The following CNTNAP3 variants were observed in gnomAD, a reference collection of about 807,000 sequenced individuals.
CNTNAP3 encodes the protein contactin associated protein family member 3.
In CNTNAP3, 36 loss-of-function variants were observed where a neutral mutation model predicts 92.1. The observed-to-expected ratio is 0.39, with a 90% confidence interval of 0.30 to 0.52. CNTNAP3 has a LOEUF of 0.52. Among genes scored for constraint, CNTNAP3 ranks in the 20% least tolerant of loss-of-function variants. CNTNAP3 has a pLI of 0.76. For missense variants in CNTNAP3, 534 were observed against 1,069.6 expected (o/e 0.50, Z 6.98); for synonymous variants, 232 against 422.3 (o/e 0.55, Z 5.53).
chr9:39,085,668 G>C lies in CNTNAP3; in HGVS notation c.3442+68C>G. On this transcript the variant is annotated intron_variant, in intron 21 of 23. Transcript: ENST00000297668. ...CAAGTAAGACAAGGAGCTTCTTTCA[G>C]CATGATGAATGCTTCCAGAGTTTGT... 2.4e-6 allele frequency: 3 copies of C among 1,238,916 alleles called. No homozygotes were observed. The East Asian group carries it at 8.2e-5, about 34-fold the overall frequency. 76.7% of individuals were successfully genotyped at this position (1,238,916 alleles called of 1,614,324 possible).
intron 19 of CNTNAP3, among the ~76,000 whole-genome samples, chr9:39,087,069 A>G (rs1413725148): frequency 6.6e-6 from 1 of 152,122 alleles, no homozygotes; most frequent in Non-Finnish European, 1.5e-5. Flanking sequence ...TGAAAAGTCA[A>G]GACTAAATGT....
intron 13 of CNTNAP3, among the ~76,000 whole-genome samples, chr9:39,126,975 A>T (rs1821167055): frequency 1.3e-5 from 2 of 152,204 alleles, no homozygotes; most frequent in Non-Finnish European, 2.9e-5. Context: ...TCAAATGCCG[A>T]TGAAACATTT....
chr9:39,134,922 C>T (rs183657621), intron 12 of CNTNAP3, among the ~76,000 whole-genome samples: 27 of 152,294 alleles, frequency 1.8e-4, no homozygotes, highest in African/African-American at 6.3e-4. Flanking sequence ...AATGATGGTC[C>T]AGAGTAGTTC....
At position 39,067,402 on chromosome 9, in the gene CNTNAP3, T is replaced by A. The variant is rs1587688750; in HGVS notation, c.*6488A>T. Reference sequence around the variant, plus strand: ...GACATTGTGATTTTACCTCGTTGGGTGTTGGATTTTTTTTTGATGGAGTCT... The same window carrying A: ...GACATTGTGATTTTACCTCGTTGGGAGTTGGATTTTTTTTTGATGGAGTCT... On this transcript the variant is annotated 3_prime_UTR_variant, in exon 24 of 24. Coordinates refer to ENST00000297668, the MANE Select transcript of CNTNAP3 (RefSeq NM_033655.5). Among the ~76,000 whole-genome samples the A allele has an allele frequency of 6.6e-6, 1 of 152,308 alleles. No individual in the cohort carries two copies. The highest frequency in any genetic ancestry group is 2.4e-5 in the African/African-American group (1 of 41,488).
At chr9:39,074,204 T>C (rs1047405444) in intron 23 of CNTNAP3, among the ~76,000 whole-genome samples, 193 bp from the exon 24 acceptor site, 5 of 151,852 alleles carry the variant, frequency 3.3e-5, no homozygotes, top group Non-Finnish European at 7.4e-5. Flanking sequence ...TTTACAATTA[T>C]TCTTTGTAGA....
intron 7 of CNTNAP3, chr9:39,174,305 T>C (rs972212695): frequency 5.7e-6 from 2 of 351,974 alleles, no homozygotes; most frequent in Admixed American, 9.3e-5. Context: ...TTCATGTATC[T>C]TGATGGTATT....
chr9:39,132,911 G>C (rs1465934867), intron 13 of CNTNAP3, 21 bp downstream of exon 13: 4 of 1,535,524 alleles, frequency 2.6e-6, no homozygotes, highest in African/African-American at 1.4e-5. Context: ...AACCCCTGTA[G>C]CCTCCAGGAG....
At chr9:39,082,481 C>T (rs1219644504) in intron 21 of CNTNAP3, among the ~76,000 whole-genome samples, 1 of 151,906 alleles carries the variant, frequency 6.6e-6, no homozygotes, top group East Asian at 1.9e-4. Context: ...CCCACAAAAT[C>T]TCCTATCTTC....
rs777684782 is a variant in CNTNAP3 at position 39,109,120 on chromosome 9, A to T, written c.2365+40T>A. On this transcript the variant is annotated intron_variant, in intron 15 of 23. Transcript: ENST00000297668. ...TGTCTACTCTTTTATAACCAAAAAA[A>T]GTTATTATGAAAATAAAGCTTTTTC... The T allele has an allele frequency of 3.1e-5, 50 of 1,592,280 alleles. No individual in the cohort carries two copies. The East Asian group carries it at 9.4e-4, about 30-fold the overall frequency.
At chr9:39,092,723 G>A (rs1277197280) in intron 18 of CNTNAP3, among the ~76,000 whole-genome samples, 1 of 136,384 alleles carries the variant, frequency 7.3e-6, no homozygotes, top group Non-Finnish European at 1.6e-5. Context: ...CTACAGATGT[G>A]TGTTAGAATG....
intron 13 of CNTNAP3, among the ~76,000 whole-genome samples, chr9:39,118,941 C>CTAGTGTCTG: frequency 6.6e-6 from 1 of 152,252 alleles, no homozygotes; most frequent in East Asian, 1.9e-4. Context: ...TAGAGTCAGA[C>CTAGTGTCTG]ACTAACTCAG....
chr9:39,105,285 G>A (rs1196201203), intron 15 of CNTNAP3, among the ~76,000 whole-genome samples: 2 of 152,094 alleles, frequency 1.3e-5, no homozygotes, highest in African/African-American at 4.8e-5. Flanking sequence ...AAATTAGCCA[G>A]GCATGGTGGT....
intron 12 of CNTNAP3, among the ~76,000 whole-genome samples, chr9:39,137,744 G>T (rs1821477923): frequency 6.6e-6 from 1 of 152,092 alleles, no homozygotes; most frequent in Non-Finnish European, 1.5e-5. Context: ...TCGATCTCCT[G>T]ACCTCGTGAT....
At chr9:39,112,772 C>A (rs1247357509) in intron 14 of CNTNAP3, among the ~76,000 whole-genome samples, 1 of 152,124 alleles carries the variant, frequency 6.6e-6, no homozygotes, top group Non-Finnish European at 1.5e-5. Context: ...TGTTTAATTG[C>A]CTATCTTCTG....
chr9:39,112,028 G>A (rs1826759405), intron 14 of CNTNAP3, among the ~76,000 whole-genome samples: 1 of 139,466 alleles, frequency 7.2e-6, no homozygotes, highest in African/African-American at 3.1e-5. Flanking sequence ...AATTAATAGG[G>A]ACATCTCATT....
intron 17 of CNTNAP3, among the ~76,000 whole-genome samples, chr9:39,100,729 G>A (rs1181886624): frequency 2.6e-5 from 4 of 152,104 alleles, no homozygotes; most frequent in African/African-American, 4.8e-5. Flanking sequence ...AGGGTACAGT[G>A]CTAAACAGTA....
rs201640644 is a variant in CNTNAP3 at position 39,149,928 on chromosome 9, C to G, written c.1527G>C (p.Gly509=). 1 of 1,558,310 alleles carries G rather than the reference C, an allele frequency of 6.4e-7. No homozygotes were observed. Among genetic ancestry groups the G allele is most frequent in the Non-Finnish European group, 8.8e-7 (1 of 1,132,242 alleles). The stretch of plus-strand genomic sequence containing the variant: ...TGATGAGCCTTAGGCAGCCCTGAAA[C>G]CCTCCCAGGGGGCTTTTACATCCAG... The part of the protein sequence containing the change: ...SGSGCKSPLG[G]FQGCLRLITI... Residue 509 remains glycine, a synonymous_variant, in exon 10 of 24, where the codon GGG becomes GGC. Transcript: ENST00000297668.
At chr9:39,137,857 T>A (rs1821480815) in intron 12 of CNTNAP3, among the ~76,000 whole-genome samples, 1 of 151,876 alleles carries the variant, frequency 6.6e-6, no homozygotes, top group African/African-American at 2.4e-5. Flanking sequence ...TGCCTTGAAA[T>A]TTTTTCTTTT....
At chr9:39,104,360 A>G (rs906046293) in intron 15 of CNTNAP3, among the ~76,000 whole-genome samples, 1 of 152,120 alleles carries the variant, frequency 6.6e-6, no homozygotes, top group South Asian at 2.1e-4. Flanking sequence ...TCAGTTTGGG[A>G]CATGTTTCAT....
Sources: gnomAD v4.1 joint callset for allele counts (sites outside exome capture counted in the v4.1 genomes callset) on GRCh38, gnomAD v4.1.1 for gene constraint, MANE v1.5 for transcripts, NCBI Gene and HGNC (gene_info 2026-07-23, HGNC 2026-07-21) for gene names.